DMD: variants seen among roughly 807,000 people sequenced by gnomAD.
The protein encoded by DMD is dystrophin, also known as mutant dystrophin.
In DMD, 63 loss-of-function variants were observed where a neutral mutation model predicts 330.1. The observed-to-expected ratio is 0.19, with a 90% CI of 0.16 to 0.24. The LOEUF (loss-of-function observed/expected upper bound fraction) is 0.24, where lower values mean the gene tolerates loss of function less well. DMD is among the 10% of genes least tolerant of loss of function. The pLI is 1.00. For synonymous variants in DMD, 1,223 were observed against 959.8 expected, an observed-to-expected ratio of 1.27 and a Z score of -5.07; for missense variants, 3,344 against 2,684.1, an observed-to-expected ratio of 1.25 and a Z score of -5.43.
rs1484486142 is a variant in DMD at position 32,595,751 on chromosome X, T to C, written c.1602+6A>G. 1 of 1,208,350 alleles carries C rather than the reference T, an allele frequency of 8.3e-7. No homozygotes were observed. The highest frequency in any genetic ancestry group is 2.2e-5 in the Admixed American group (1 of 45,729). ...ATATTTAGTTTACTAAGCAAAATAATCTGACCTTAAGTTGTTCTTCCAAAG... is the reference window on the plus strand; with the variant it reads ...ATATTTAGTTTACTAAGCAAAATAACCTGACCTTAAGTTGTTCTTCCAAAG... On this transcript the variant is annotated splice_donor_region_variant and intron_variant, in intron 13 of 78. Coordinates refer to ENST00000357033, the MANE Select transcript of DMD (RefSeq NM_004006.3).
intron 60 of DMD, among the ~76,000 whole-genome samples, chrX:31,388,003 G>GT (rs1391433449): frequency 0.023 from 2,294 of 98,283 alleles, 65 homozygotes; most frequent in African/African-American, 0.072. Context: ...TTGTTTTTCG[G>GT]TTTTTTTTTT....
chrX:32,506,990 G>T, intron 18 of DMD, among the ~76,000 whole-genome samples: 1 of 111,515 alleles, frequency 9.0e-6, no homozygotes. Flanking sequence ...TAAGTTATCT[G>T]TCCTTAGCAG....
chrX:31,452,616 T>C (rs1434354344), intron 59 of DMD, among the ~76,000 whole-genome samples: 1 of 112,024 alleles, frequency 8.9e-6, no homozygotes, highest in Non-Finnish European at 1.9e-5. Context: ...AGTTTCTCTT[T>C]ACAATATCGA....
At chrX:32,273,992 T>G (rs998001613) in intron 43 of DMD, among the ~76,000 whole-genome samples, 1 of 112,035 alleles carries the variant, frequency 8.9e-6, no homozygotes, top group Non-Finnish European at 1.9e-5. Flanking sequence ...TATTTTACAG[T>G]AATGTCTTTT....
chrX:33,277,502 G>T (rs755479620), intron 1 of DMD, among the ~76,000 whole-genome samples: 43 of 111,169 alleles, frequency 3.9e-4, no homozygotes, highest in African/African-American at 1.3e-3. Context: ...GCAGGGCAGG[G>T]TCTGCAGTTT....
chrX:31,357,942 C>T (rs939821574), intron 60 of DMD, among the ~76,000 whole-genome samples: 36 of 112,044 alleles, frequency 3.2e-4, no homozygotes, highest in Non-Finnish European at 6.4e-4. Flanking sequence ...TTACTTCACG[C>T]TTCTTAGTAA....
chrX:31,951,722 A>AAAG (rs1057122289), intron 45 of DMD, among the ~76,000 whole-genome samples: 1 of 111,206 alleles, frequency 9.0e-6, no homozygotes, highest in Non-Finnish European at 1.9e-5. Flanking sequence ...TAGGTCTTTT[A>AAAG]AAGAAGTTAA....
chrX:31,557,384 A>G (rs1021388929), intron 55 of DMD, among the ~76,000 whole-genome samples: 1 of 111,560 alleles, frequency 9.0e-6, no homozygotes, highest in African/African-American at 3.3e-5. Context: ...CTCACCCCAA[A>G]CATCATTATT....
chrX:31,187,210 G>T (rs906613282), intron 67 of DMD, among the ~76,000 whole-genome samples: 4 of 112,452 alleles, frequency 3.6e-5, no homozygotes, highest in Non-Finnish European at 7.5e-5. Context: ...CTGACACATA[G>T]CAAGAATCAT....
At chrX:32,278,773 T>C (rs976299797) in intron 43 of DMD, among the ~76,000 whole-genome samples, 1 of 111,438 alleles carries the variant, frequency 9.0e-6, no homozygotes, top group Non-Finnish European at 1.9e-5. Context: ...AAATCTTGAG[T>C]AATATCCTAT....
At chrX:31,946,702 G>A (rs61239884) in intron 45 of DMD, among the ~76,000 whole-genome samples, 15,086 of 110,534 alleles carry the variant, frequency 0.14, 791 homozygotes, top group African/African-American at 0.16. Context: ...ACTAAAATAT[G>A]TGTTTTCTGG....
chrX:32,213,952 A>G (rs1041772861), intron 44 of DMD, among the ~76,000 whole-genome samples: 1 of 110,444 alleles, frequency 9.1e-6, no homozygotes, highest in African/African-American at 3.3e-5. Context: ...CTGGGTGACA[A>G]AAGCAAAATT....
intron 25 of DMD, among the ~76,000 whole-genome samples, chrX:32,463,075 T>C (rs1379127879): frequency 8.9e-6 from 1 of 112,401 alleles, no homozygotes; most frequent in Non-Finnish European, 1.9e-5. Context: ...CCATGCATTT[T>C]ATTTTGTACC....
chrX:31,929,151 T>C (rs2149986232), intron 47 of DMD, among the ~76,000 whole-genome samples: 1 of 112,034 alleles, frequency 8.9e-6, no homozygotes, highest in South Asian at 3.7e-4. Context: ...AGTAGGTAAG[T>C]AAATAAATAA....
chrX:32,845,096 G>T (rs771949720), intron 3 of DMD, among the ~76,000 whole-genome samples: 2 of 111,635 alleles, frequency 1.8e-5, no homozygotes, highest in Admixed American at 9.5e-5. Flanking sequence ...AGCCTATTTT[G>T]GTATGATTGT....
chrX:32,263,374 A>T (rs1232329492), intron 43 of DMD, among the ~76,000 whole-genome samples: 1 of 112,015 alleles, frequency 8.9e-6, no homozygotes, highest in Non-Finnish European at 1.9e-5. Flanking sequence ...AAATTTTAGA[A>T]CATAAAGGTA....
At chrX:31,228,998 T>A (rs992136111) in intron 63 of DMD, among the ~76,000 whole-genome samples, 3 of 112,420 alleles carry the variant, frequency 2.7e-5, no homozygotes, top group African/African-American at 6.5e-5. Flanking sequence ...AGGCCATTCA[T>A]CTTTTATTTT....
chrX:31,322,578 T>C lies in DMD; in HGVS notation c.9224+1020A>G, dbSNP rs188243583. Among the ~76,000 whole-genome samples, 8 of 112,141 alleles carry C rather than the reference T, an allele frequency of 7.1e-5. No individual in the cohort carries two copies. In the East Asian group the frequency reaches 2.0e-3, roughly 27 times the overall value. ...ATTTCTCCTGAAAGAGTCAAAAGAC[T>C]ACCTTCACTCCCATTTTTCTGAGTT... On this transcript the variant is annotated intron_variant, in intron 62 of 78. Coordinates refer to ENST00000357033, the MANE Select transcript of DMD (RefSeq NM_004006.3).
rs1172927205 is a variant in DMD, at chrX:32,252,793, A to T, written c.6290+34736T>A. On this transcript the variant is annotated intron_variant, in intron 43 of 78. Transcript: ENST00000357033. ...ATATAAATATATATAAATATATATA[A>T]ATATATATATAAATATATATAAGTA... Among the ~76,000 whole-genome samples, 126 of 43,622 alleles carry T rather than the reference A, an allele frequency of 2.9e-3. 1 individual carries two copies. The highest frequency in any genetic ancestry group is 0.018 in the African/African-American group (114 of 6,269). 37.9% of individuals were successfully genotyped at this position (43,622 alleles called of 115,157 possible).
Sources: gnomAD v4.1 joint callset for allele counts (sites outside exome capture counted in the v4.1 genomes callset) on GRCh38, gnomAD v4.1.1 for gene constraint, MANE v1.5 for transcripts, NCBI Gene and HGNC (gene_info 2026-07-23, HGNC 2026-07-21) for gene names.